The following ART4 variants were observed in gnomAD, a reference collection of about 807,000 sequenced individuals.
ART4 encodes ecto-ADP-ribosyltransferase 4.
Under a neutral mutation model 24.2 loss-of-function variants are expected in ART4, and 14 were observed. The ratio of observed to expected loss-of-function variants is 0.58; its 90% CI spans 0.38 to 0.90. The LOEUF (loss-of-function observed/expected upper bound fraction) is 0.90. Ranked by LOEUF, ART4 falls within the 40% of genes least tolerant of loss-of-function variation. ART4 has a pLI of 0.00. For synonymous variants in ART4, 145 were observed against 139.9 expected (o/e 1.04, Z -0.26); for missense variants, 356 against 366.6 (o/e 0.97, Z 0.24).
At position 14,843,064 on chromosome 12, in the gene ART4, A is replaced by G. The variant is rs1393061379; in HGVS notation, c.50T>C (p.Val17Ala). 2.5e-6 allele frequency: 4 copies of G among 1,614,218 alleles called. No individual in the cohort carries two copies. Among genetic ancestry groups the G allele is most frequent in the Non-Finnish European group, 3.4e-6 (4 of 1,180,024 alleles). The change falls in exon 1 of 3, where the codon GTA becomes GCA. Residue 17 changes from valine (V) to alanine (A), a missense_variant. Coordinates refer to ENST00000228936, the MANE Select transcript of ART4 (RefSeq NM_021071.4). The part of the protein sequence containing the change: ...RCKKILLPTT[V>A]PPATMRIWLL... ...CCAGATTCTCATCGTTGCAGGAGGT[A>G]CAGTAGTTGGGAGAAGAATCTTCTT...
chr12:14,842,589 TG>T (rs1225026272), intron 1 of ART4, among the ~76,000 whole-genome samples: 1 of 152,232 alleles, frequency 6.6e-6, no homozygotes, highest in Non-Finnish European at 1.5e-5. Flanking sequence ...AACATTAGGT[TG>T]TTTTTTGTTA....
Position 14,842,901 on chromosome 12 carries a change from C to A in ART4, c.144+69G>T, listed in dbSNP as rs1051755205. On this transcript the variant is annotated intron_variant, in intron 1 of 2. Transcript: ENST00000228936. The stretch of plus-strand genomic sequence containing the variant: ...GCCTAAGTTTTCGGCCATTTAAAGG[C>A]TGTGGCCGGGTGAATGCTCTGTTGG... 3.3e-6 allele frequency: 5 copies of A among 1,512,120 alleles called. No individual in the cohort carries two copies. The African/African-American group carries it at 6.9e-5, about 21-fold the overall frequency. 93.7% of individuals were successfully genotyped at this position (1,512,120 alleles called of 1,614,324 possible).
At chr12:14,837,877 TAGGTAGATGAAAAAAGAG>T (rs1950441799) in intron 2 of ART4, among the ~76,000 whole-genome samples, 1 of 152,150 alleles carries the variant, frequency 6.6e-6, no homozygotes, top group Non-Finnish European at 1.5e-5. Context: ...CGATAATTAT[TAGGTAGATGAAAAAAGAG>T]TTTAAGCAAC....
Position 14,829,386 on chromosome 12 carries a change from G to C in ART4, c.930C>G (p.Ser310=). The change falls in exon 3 of 3, where the codon TCC becomes TCG. Residue 310 remains serine, a synonymous_variant. Coordinates refer to ENST00000228936, the MANE Select transcript of ART4 (RefSeq NM_021071.4). ...CAAGATTTCTTTATACTCTGCTTTT[G>C]GAAAAGATGATGACACTGGTCAAAA... ...LSFLTSVIIF[S]KSRV The C allele has an allele frequency of 1.3e-6, 2 of 1,594,162 alleles. No individual in the cohort carries two copies. Among genetic ancestry groups the C allele is most frequent in the Non-Finnish European group, 1.7e-6 (2 of 1,171,198 alleles).
At position 14,829,174 on chromosome 12, in the gene ART4, G is replaced by T; in HGVS notation, c.*197C>A. 2.5e-6 allele frequency: 1 copy of T among 404,902 alleles called. No homozygotes were observed. The highest frequency in any genetic ancestry group is 4.3e-6 in the Non-Finnish European group (1 of 232,810). 25.1% of individuals were successfully genotyped at this position (404,902 alleles called of 1,614,324 possible). On this transcript the variant is annotated 3_prime_UTR_variant, in exon 3 of 3. Coordinates refer to ENST00000228936, the MANE Select transcript of ART4 (RefSeq NM_021071.4). ...TGATTTCCCCAAGAGTACTTAGGGT[G>T]CCCAGATTGAAATAAGGCAAAGGGG...
intron 2 of ART4, among the ~76,000 whole-genome samples, chr12:14,830,536 AGTGTGTGTGT>A (rs55694373): frequency 0.06 from 7,438 of 124,118 alleles, 373 homozygotes; most frequent in Middle Eastern, 0.11. Flanking sequence ...TCTATATAGG[AGTGTGTGTGT>A]GTGTGTGTGT....
Position 14,829,361 on chromosome 12 carries a change from C to A in ART4, c.*10G>T. 1 of 1,517,188 alleles carries A rather than the reference C, an allele frequency of 6.6e-7. No homozygotes were observed. The highest frequency in any genetic ancestry group is 2.3e-5 in the East Asian group (1 of 42,686). 94.0% of individuals were successfully genotyped at this position (1,517,188 alleles called of 1,614,324 possible). A position where few individuals can be genotyped will look rare whatever the true frequency, so the allele number is the denominator to read the frequency against. ...TATTTTTTTTAAATAAAAGGAGCCA[C>A]AAGATTTCTTTATACTCTGCTTTTG... is the stretch of plus-strand genomic sequence containing the variant. On this transcript the variant is annotated 3_prime_UTR_variant, in exon 3 of 3. Coordinates refer to ENST00000228936, the MANE Select transcript of ART4 (RefSeq NM_021071.4).
chr12:14,828,291 A>C lies in ART4; in HGVS notation c.*1080T>G, dbSNP rs1458954796. 2 of 152,198 alleles carry C rather than the reference A, an allele frequency of 1.3e-5. No individual in the cohort carries two copies. Among genetic ancestry groups the C allele is most frequent in the African/African-American group, 2.4e-5 (1 of 41,452 alleles). 9.4% of individuals were successfully genotyped at this position (152,198 alleles called of 1,614,324 possible). A position where few individuals can be genotyped will look rare whatever the true frequency, so the allele number is the denominator to read the frequency against. ...TATTTAAATTTGCTATGAAGACTTA[A>C]ATTTGCCATCAAGTTCTCTATGAAT... On this transcript the variant is annotated 3_prime_UTR_variant, in exon 3 of 3. Coordinates refer to ENST00000228936, the MANE Select transcript of ART4 (RefSeq NM_021071.4).
At chr12:14,835,981 C>A (rs948685940) in intron 2 of ART4, among the ~76,000 whole-genome samples, 1 of 152,072 alleles carries the variant, frequency 6.6e-6, no homozygotes, top group African/African-American at 2.4e-5. Context: ...GTCCCTTTAT[C>A]CTTAGTGGAT....
At chr12:14,840,303 C>G in intron 2 of ART4, 142 bp downstream of exon 2, 2 of 660,610 alleles carry the variant, frequency 3.0e-6, no homozygotes, top group Non-Finnish European at 5.0e-6. Flanking sequence ...AGTGGATTTT[C>G]TCTAATCTAT....
chr12:14,832,644 C>T lies in ART4; in HGVS notation c.854-3182G>A, dbSNP rs148098223. Among the ~76,000 whole-genome samples the T allele has an allele frequency of 1.9e-4, 29 of 152,300 alleles. No individual in the cohort carries two copies. The East Asian group carries it at 5.6e-3, about 29-fold the overall frequency. ...ACCTAGGATAGTGCCTAGCAAATAA[C>T]AAGTGACCAATAAATACTGATTTGT... On this transcript the variant is annotated intron_variant, in intron 2 of 2. Coordinates refer to ENST00000228936, the MANE Select transcript of ART4 (RefSeq NM_021071.4).
At chr12:14,840,290 T>G (rs1226786606) in intron 2 of ART4, 155 bp downstream of exon 2, 1 of 617,526 alleles carries the variant, frequency 1.6e-6, no homozygotes, top group East Asian at 2.9e-5. Flanking sequence ...AGTCAATAAA[T>G]AAAGTGGATT....
At chr12:14,836,208 C>T (rs1167547365) in intron 2 of ART4, among the ~76,000 whole-genome samples, 1 of 152,056 alleles carries the variant, frequency 6.6e-6, no homozygotes, top group Non-Finnish European at 1.5e-5. Context: ...CCTCAGCATA[C>T]AATTTTTTCT....
intron 2 of ART4, among the ~76,000 whole-genome samples, chr12:14,839,961 T>C (rs956180429): frequency 2.6e-5 from 4 of 152,204 alleles, no homozygotes; most frequent in Non-Finnish European, 5.9e-5. Flanking sequence ...CATATTTCCA[T>C]TTCTCGTTAG....
rs189307376 is a variant in ART4, at chr12:14,829,940, T to C, written c.854-478A>G. On this transcript the variant is annotated intron_variant, in intron 2 of 2. Coordinates refer to ENST00000228936, the MANE Select transcript of ART4 (RefSeq NM_021071.4). Reference sequence around the variant, plus strand: ...ACTTGATGAGATTGTGACACAGAGATGAGAAAAAACTTGCCAGTGTCACAC... The same window carrying C: ...ACTTGATGAGATTGTGACACAGAGACGAGAAAAAACTTGCCAGTGTCACAC... Among the ~76,000 whole-genome samples the C allele has an allele frequency of 1.5e-3, 230 of 152,320 alleles. 2 individuals carry two copies. The highest frequency in any genetic ancestry group is 5.3e-3 in the African/African-American group (220 of 41,584).
intron 2 of ART4, among the ~76,000 whole-genome samples, chr12:14,838,270 T>A (rs541134701): frequency 4.6e-5 from 7 of 152,342 alleles, no homozygotes; most frequent in Non-Finnish European, 8.8e-5. Flanking sequence ...TTGAGGTTTA[T>A]AGAGTGGCAG....
intron 2 of ART4, among the ~76,000 whole-genome samples, chr12:14,831,416 A>G (rs1007624224): frequency 1.4e-5 from 2 of 140,190 alleles, no homozygotes; most frequent in Admixed American, 1.5e-4. Flanking sequence ...GCACACCACC[A>G]TGCCTGGCTA....
Position 14,843,169 on chromosome 12 carries a change from T to G in ART4, c.-56A>C. 6.3e-7 allele frequency: 1 copy of G among 1,599,612 alleles called. No homozygotes were observed. Among genetic ancestry groups the G allele is most frequent in the Non-Finnish European group, 8.5e-7 (1 of 1,170,462 alleles). On this transcript the variant is annotated 5_prime_UTR_variant, in exon 1 of 3. Coordinates refer to ENST00000228936, the MANE Select transcript of ART4 (RefSeq NM_021071.4). ...CCTTGCAGCTTCATCCTGAGATGAA[T>G]TCTCAGAGTTCTCCTTTGAGGTTTT...
chr12:14,839,301 T>C (rs2430723), intron 2 of ART4, among the ~76,000 whole-genome samples: 59,454 of 151,974 alleles, frequency 0.39, 12,135 homozygotes, highest in African/African-American at 0.45. Flanking sequence ...ACACCAGCCA[T>C]CCAGAATTTC....
Sources: gnomAD v4.1 joint callset for allele counts (sites outside exome capture counted in the v4.1 genomes callset) on GRCh38, gnomAD v4.1.1 for gene constraint, MANE v1.5 for transcripts, NCBI Gene and HGNC (gene_info 2026-07-23, HGNC 2026-07-21) for gene names.